The following BMPR1B variants were observed in gnomAD, a reference collection of about 807,000 sequenced individuals.
The protein encoded by BMPR1B is bone morphogenetic protein receptor type-1B.
BMPR1B carries 12 observed loss-of-function variants against 59.1 expected under a neutral mutation model. That is an observed-to-expected ratio of 0.20 (90% CI 0.13 to 0.33). BMPR1B has a LOEUF of 0.33. Among genes scored for constraint, BMPR1B ranks in the 10% least tolerant of loss-of-function variants. The pLI, the probability that BMPR1B is intolerant of heterozygous loss-of-function variation, is 1.00. For missense variants in BMPR1B, 550 were observed against 610.9 expected, an observed-to-expected ratio of 0.90 and a Z score of 1.05; for synonymous variants, 237 against 207.3, an observed-to-expected ratio of 1.14 and a Z score of -1.23.
At chr4:94,929,733 T>C (rs927430722) in intron 2 of BMPR1B, among the ~76,000 whole-genome samples, 1 of 152,048 alleles carries the variant, frequency 6.6e-6, no homozygotes, top group East Asian at 1.9e-4. Context: ...TCTCATATCT[T>C]ACATCCCAGC....
At chr4:95,142,278 C>T (rs955178237) in intron 10 of BMPR1B, among the ~76,000 whole-genome samples, 1 of 152,078 alleles carries the variant, frequency 6.6e-6, no homozygotes, top group Non-Finnish European at 1.5e-5. Context: ...TGTGCACAGC[C>T]CCTTCTTCCA....
chr4:94,843,215 A>G (rs1487921013), intron 1 of BMPR1B, among the ~76,000 whole-genome samples: 5 of 152,216 alleles, frequency 3.3e-5, no homozygotes, highest in Non-Finnish European at 7.3e-5. Flanking sequence ...TTAACTACAC[A>G]TGGTATGGAT....
At chr4:95,131,965 T>C (rs998478171) in intron 10 of BMPR1B, among the ~76,000 whole-genome samples, 2 of 152,218 alleles carry the variant, frequency 1.3e-5, no homozygotes, top group Non-Finnish European at 2.9e-5. Flanking sequence ...AGTACTGTTA[T>C]CCTGTACCTG....
chr4:94,997,866 T>G (rs193095506), intron 3 of BMPR1B, among the ~76,000 whole-genome samples: 64 of 152,316 alleles, frequency 4.2e-4, no homozygotes, highest in Non-Finnish European at 7.8e-4. Flanking sequence ...TTGCTTTATA[T>G]TTTGCATAAA....
chr4:94,794,012 C>A (rs1235306504), intron 1 of BMPR1B, among the ~76,000 whole-genome samples: 1 of 149,910 alleles, frequency 6.7e-6, no homozygotes, highest in Non-Finnish European at 1.5e-5. Flanking sequence ...TACAGAAGCT[C>A]TTTAGTTTAA....
intron 3 of BMPR1B, among the ~76,000 whole-genome samples, chr4:95,004,142 A>T (rs1722655268): frequency 6.6e-6 from 1 of 152,094 alleles, no homozygotes. Flanking sequence ...CGTGTGGGGG[A>T]GTTCACATGT....
intron 10 of BMPR1B, among the ~76,000 whole-genome samples, chr4:95,140,616 G>A (rs775517747): frequency 5.9e-5 from 9 of 151,838 alleles, no homozygotes; most frequent in Non-Finnish European, 8.8e-5. Flanking sequence ...TTAATTTCCC[G>A]GTCTTTGTCT....
chr4:95,110,056 C>T (rs912008708), intron 4 of BMPR1B, among the ~76,000 whole-genome samples: 8 of 151,914 alleles, frequency 5.3e-5, no homozygotes, highest in Admixed American at 2.6e-4. Flanking sequence ...GAATTTTAGA[C>T]GGTCCCAGTT....
intron 3 of BMPR1B, among the ~76,000 whole-genome samples, chr4:95,087,057 T>C (rs1729640157): frequency 7.3e-6 from 1 of 136,088 alleles, no homozygotes; most frequent in Admixed American, 8.2e-5. Context: ...CAGGCTGGAG[T>C]GCAGTGGCAC....
At chr4:95,028,605 A>G (rs1724589671) in intron 3 of BMPR1B, among the ~76,000 whole-genome samples, 2 of 152,184 alleles carry the variant, frequency 1.3e-5, no homozygotes, top group Non-Finnish European at 2.9e-5. Flanking sequence ...TAAACTATTA[A>G]GAAATGTACC....
chr4:95,115,540 AGAG>A (rs1560664969), intron 5 of BMPR1B, 142 bp from the exon 6 acceptor site: 1 of 733,436 alleles, frequency 1.4e-6, no homozygotes, highest in African/African-American at 1.8e-5. Context: ...ATTACCTTAT[AGAG>A]GAGAACATAT....
intron 3 of BMPR1B, among the ~76,000 whole-genome samples, chr4:95,030,950 G>A (rs1219532342): frequency 2.0e-5 from 3 of 151,968 alleles, no homozygotes; most frequent in Non-Finnish European, 4.4e-5. Context: ...ACTGCCCAAG[G>A]TAATTTATAG....
At chr4:94,845,343 CTT>C (rs33971989) in intron 1 of BMPR1B, among the ~76,000 whole-genome samples, 87,842 of 142,300 alleles carry the variant, frequency 0.62, 27,438 homozygotes, top group African/African-American at 0.78. Flanking sequence ...CAAGGAAATT[CTT>C]TTTTTTTTTT....
In BMPR1B at chr4:95,155,818, G is replaced by A. The variant is rs1230102838; in HGVS notation, c.*1145G>A. 6.6e-6 allele frequency: 1 copy of A among 152,036 alleles called. No homozygotes were observed. The highest frequency in any genetic ancestry group is 1.5e-5 in the Non-Finnish European group (1 of 68,012). The allele number at this position is 152,036 out of a possible 1,614,324, so 9.4% of individuals were successfully genotyped here. On this transcript the variant is annotated 3_prime_UTR_variant, in exon 13 of 13. Transcript: ENST00000515059. ...TGTTTTGTATGTGTCTGAGATAAGG[G>A]ATAGAGAGGAAACATCCGTCAGGCT...
At chr4:95,051,694 G>C in intron 3 of BMPR1B, 1 of 1,535,548 alleles carries the variant, frequency 6.5e-7, no homozygotes, top group Non-Finnish European at 8.7e-7. Context: ...CTGCTCTGCT[G>C]CTGCAATGGG....
intron 3 of BMPR1B, among the ~76,000 whole-genome samples, chr4:95,063,997 C>T (rs1043170717): frequency 2.0e-5 from 3 of 151,980 alleles, no homozygotes; most frequent in African/African-American, 7.3e-5. Context: ...CAAGGTTTGG[C>T]AAGGATGTGG....
At chr4:94,797,497 C>T (rs543772128) in intron 1 of BMPR1B, among the ~76,000 whole-genome samples, 19 of 152,218 alleles carry the variant, frequency 1.2e-4, no homozygotes, top group African/African-American at 2.6e-4. Flanking sequence ...GTAGAAAAAA[C>T]GATTTAACGA....
At chr4:95,061,360 T>G (rs1463934415) in intron 3 of BMPR1B, among the ~76,000 whole-genome samples, 1 of 152,166 alleles carries the variant, frequency 6.6e-6, no homozygotes. Context: ...TTTTTAAGTT[T>G]CTGGAGGAAG....
At chr4:94,811,876 A>G (rs377751821) in intron 1 of BMPR1B, among the ~76,000 whole-genome samples, 7 of 152,310 alleles carry the variant, frequency 4.6e-5, no homozygotes, top group African/African-American at 1.7e-4. Context: ...ATATAAACAT[A>G]ATTTTAGCAT....
Sources: gnomAD v4.1 joint callset for allele counts (sites outside exome capture counted in the v4.1 genomes callset) on GRCh38, gnomAD v4.1.1 for gene constraint, MANE v1.5 for transcripts, NCBI Gene and HGNC (gene_info 2026-07-23, HGNC 2026-07-21) for gene names.